Variants in LTC4S observed in about 807,000 individuals in gnomAD.
LTC4S encodes LTC4 synthase.
A neutral mutation model predicts 19.6 loss-of-function variants in LTC4S; 18 were observed. That is an observed-to-expected ratio of 0.92 (90% confidence interval 0.64 to 1.36). The LOEUF (loss-of-function observed/expected upper bound fraction) is 1.36, where lower values mean the gene tolerates loss of function less well. Ranked by LOEUF, LTC4S falls within the 40% of genes most tolerant of loss-of-function variation. LTC4S has a pLI of 0.00. For missense variants in LTC4S, 235 were observed against 212.2 expected (o/e 1.11, Z -0.67); for synonymous variants, 126 against 110.1 (o/e 1.14, Z -0.91).
chr5:179,795,249 G>T, intron 1 of LTC4S: 1 of 587,798 alleles, frequency 1.7e-6, no homozygotes. Flanking sequence ...TTTTGAGAGT[G>T]AAATGATTCA....
rs762495545 is a variant in LTC4S, at chr5:179,794,077, T to C, written c.-4T>C. On this transcript the variant is annotated 5_prime_UTR_variant, in exon 1 of 5. Transcript: ENST00000292596. ...ACAGCCCGTGCCACCACACCGACGG[T>C]ACCATGAAGGACGAGGTAGCTCTAC... is the stretch of plus-strand genomic sequence containing the variant. 1 of 1,613,416 alleles carries C rather than the reference T, an allele frequency of 6.2e-7. No homozygotes were observed. Among genetic ancestry groups the C allele is most frequent in the Non-Finnish European group, 8.5e-7 (1 of 1,179,902 alleles).
At position 179,796,468 on chromosome 5, in the gene LTC4S, G is replaced by C; in HGVS notation, c.*74G>C. ...CCAGCTGCCCCGGGGAGGGGCGCTC[G>C]CTTCCGCATCCTAGTCTCTATCATT... is the stretch of plus-strand genomic sequence containing the variant. On this transcript the variant is annotated 3_prime_UTR_variant, in exon 5 of 5. Transcript: ENST00000292596. 7.1e-7 allele frequency: 1 copy of C among 1,407,640 alleles called. No homozygotes were observed. Among genetic ancestry groups the C allele is most frequent in the Non-Finnish European group, 9.2e-7 (1 of 1,085,470 alleles). The allele number at this position is 1,407,640 out of a possible 1,614,324, so 87.2% of individuals were successfully genotyped here.
intron 2 of LTC4S, 26 bp downstream of exon 2, chr5:179,795,709 G>T: frequency 6.4e-7 from 1 of 1,572,548 alleles, no homozygotes. Context: ...AGGGCGCGGG[G>T]CGGGGAGCGA....
intron 1 of LTC4S, chr5:179,795,321 C>A: frequency 7.5e-7 from 1 of 1,325,408 alleles, no homozygotes; most frequent in Non-Finnish European, 9.7e-7. Context: ...AATCACTCAC[C>A]CTCCCCCATA....
rs1294007743 is a variant in LTC4S at position 179,796,019 on chromosome 5, T to G, written c.308T>G (p.Leu103Arg). The part of the protein sequence containing the change: ...YFQGYARSAQ[L>R]RLAPLYASAR... ...CAGGGCTACGCGCGCTCCGCGCAGC[T>G]CAGGTGAGGGCCGGGCGGGGAGCGG... Residue 103 changes from leucine (L) to arginine (R), a missense_variant, in exon 4 of 5, where the codon CTC (leucine) becomes CGC (arginine). Physicochemically the swap from Leu to Arg is moderately radical, Grantham distance 102. Coordinates refer to ENST00000292596, the MANE Select transcript of LTC4S (RefSeq NM_145867.2). 6.6e-7 allele frequency: 1 copy of G among 1,516,416 alleles called. No individual in the cohort carries two copies. 93.9% of individuals were successfully genotyped at this position (1,516,416 alleles called of 1,614,324 possible). A position where few individuals can be genotyped will look rare whatever the true frequency, so the allele number is the denominator to read the frequency against.
At position 179,796,537 on chromosome 5, in the gene LTC4S, CGG is replaced by C. The variant is rs1157462550; in HGVS notation, c.*147_*148del. The C allele has an allele frequency of 4.1e-6, 5 of 1,228,034 alleles. No individual in the cohort carries two copies. Among genetic ancestry groups the C allele is most frequent in the Non-Finnish European group, 5.2e-6 (5 of 961,874 alleles). The allele number at this position is 1,228,034 out of a possible 1,614,324, so 76.1% of individuals were successfully genotyped here. On this transcript the variant is annotated 3_prime_UTR_variant, in exon 5 of 5. Coordinates refer to ENST00000292596, the MANE Select transcript of LTC4S (RefSeq NM_145867.2). Reference sequence around the variant, plus strand: ...ACCCGGGCTGCGTTCTCTGGGTCCGCGGGGGTGGCGCACCGCGGGCTACGGAG... The same window carrying C: ...ACCCGGGCTGCGTTCTCTGGGTCCGCGGGTGGCGCACCGCGGGCTACGGAG...
Position 179,796,588 on chromosome 5 carries a change from C to A in LTC4S, c.*194C>A. ...AGCCTGGAGGGGCCCAGCCCGAGTC[C>A]GGGCAGCCCGGGGCGGGCTTCCTAG... On this transcript the variant is annotated 3_prime_UTR_variant, in exon 5 of 5. Transcript: ENST00000292596. 1.3e-6 allele frequency: 1 copy of A among 796,080 alleles called. No individual in the cohort carries two copies. Among genetic ancestry groups the A allele is most frequent in the Non-Finnish European group, 1.7e-6 (1 of 574,240 alleles). 49.3% of individuals were successfully genotyped at this position (796,080 alleles called of 1,614,324 possible).
chr5:179,795,861 G>T lies in LTC4S; in HGVS notation c.229+5G>T. 1 of 1,605,630 alleles carries T rather than the reference G, an allele frequency of 6.2e-7. No homozygotes were observed. On this transcript the variant is annotated splice_donor_5th_base_variant and intron_variant, in intron 3 of 4. Transcript: ENST00000292596. ...CCGGCATCTTCTTTCATGAAGGTCG[G>T]GGTGTGGGGCAGGGGCGCACGCGCT...
chr5:179,795,676 C>G lies in LTC4S; in HGVS notation c.151C>G (p.Arg51Gly), dbSNP rs1239457661. Residue 51 changes from arginine (R) to glycine (G), a missense_variant, in exon 2 of 5, where the codon CGA (arginine) becomes GGA (glycine). Coordinates refer to ENST00000292596, the MANE Select transcript of LTC4S (RefSeq NM_145867.2). ...TGPPEFERVY[R>G]AQVNCSEYFP... is the part of the protein sequence containing the mutation. ...CCCACCCGAGTTCGAGCGCGTCTAC[C>G]GAGCCCAGTGAGGCGCGGCGGGAGG... 7 of 1,603,584 alleles carry G rather than the reference C, an allele frequency of 4.4e-6. No individual in the cohort carries two copies. Among genetic ancestry groups the G allele is most frequent in the Non-Finnish European group, 5.9e-6 (7 of 1,176,686 alleles).
intron 1 of LTC4S, among the ~76,000 whole-genome samples, chr5:179,794,871 C>T (rs1756557921): frequency 6.6e-6 from 1 of 152,206 alleles, no homozygotes; most frequent in Non-Finnish European, 1.5e-5. Flanking sequence ...GGCTCCTGCC[C>T]ACAGAGAAAC....
Position 179,795,668 on chromosome 5 carries a change from G to C in LTC4S, c.143G>C (p.Arg48Pro), listed in dbSNP as rs1437584066. The part of the protein sequence containing the change: ...PLTTGPPEFE[R>P]VYRAQVNCSE... ...ACCACCGGCCCACCCGAGTTCGAGC[G>C]CGTCTACCGAGCCCAGTGAGGCGCG... Residue 48 changes from arginine (R) to proline (P), a missense_variant, in exon 2 of 5, where the codon CGC (arginine) becomes CCC (proline). Arg to Pro is a moderately radical substitution (Grantham distance 103). Transcript: ENST00000292596. 1.9e-6 allele frequency: 3 copies of C among 1,606,154 alleles called. No individual in the cohort carries two copies. Among genetic ancestry groups the C allele is most frequent in the Admixed American group, 1.7e-5 (1 of 59,714 alleles).
chr5:179,795,550 C>T, intron 1 of LTC4S, 34 bp from the exon 2 acceptor site: 1 of 1,585,250 alleles, frequency 6.3e-7, no homozygotes, highest in Non-Finnish European at 8.6e-7. Flanking sequence ...CTTCGGGTGT[C>T]CAGACCTGAC....
rs1756570236 is a variant in LTC4S at position 179,795,379 on chromosome 5, T to C, written c.59-205T>C. On this transcript the variant is annotated intron_variant, in intron 1 of 4. Transcript: ENST00000292596. ...CTCTCTGCGCCCCAGGCTTCAGCCCTGCCCTCCTCGCTGAATGTCAGGGAC... is the reference window on the plus strand; with the variant it reads ...CTCTCTGCGCCCCAGGCTTCAGCCCCGCCCTCCTCGCTGAATGTCAGGGAC... 3.5e-6 allele frequency: 5 copies of C among 1,434,306 alleles called. No individual in the cohort carries two copies. In the African/African-American group the frequency reaches 5.8e-5, roughly 17 times the overall value. The allele number at this position is 1,434,306 out of a possible 1,614,324, so 88.8% of individuals were successfully genotyped here. A position where few individuals can be genotyped will look rare whatever the true frequency, so the allele number is the denominator to read the frequency against.
At chr5:179,795,410 G>A (rs1279169169) in intron 1 of LTC4S, 174 bp from the exon 2 acceptor site, 2 of 1,459,584 alleles carry the variant, frequency 1.4e-6, no homozygotes, top group African/African-American at 2.8e-5. Context: ...GGGACACAGG[G>A]CAGGCCAGGG....
chr5:179,796,460 G>T lies in LTC4S; in HGVS notation c.*66G>T. 4.9e-6 allele frequency: 7 copies of T among 1,418,512 alleles called. No individual in the cohort carries two copies. Among genetic ancestry groups the T allele is most frequent in the Non-Finnish European group, 6.4e-6 (7 of 1,091,186 alleles). 87.9% of individuals were successfully genotyped at this position (1,418,512 alleles called of 1,614,324 possible). On this transcript the variant is annotated 3_prime_UTR_variant, in exon 5 of 5. Transcript: ENST00000292596. ...CGGAGCCTCCAGCTGCCCCGGGGAG[G>T]GGCGCTCGCTTCCGCATCCTAGTCT... is the stretch of plus-strand genomic sequence containing the variant.
chr5:179,795,893 C>T, intron 3 of LTC4S, 37 bp downstream of exon 3: 4 of 1,594,882 alleles, frequency 2.5e-6, no homozygotes, highest in Non-Finnish European at 3.4e-6. Flanking sequence ...CGCTGGACCC[C>T]CGGGACCCGC....
In LTC4S at chr5:179,795,834, CG is replaced by C. The variant is rs1374768970; in HGVS notation, c.208del (p.Ala70ProfsTer111). 2 of 1,606,718 alleles carry C rather than the reference CG, an allele frequency of 1.2e-6. No homozygotes were observed. Among genetic ancestry groups the C allele is most frequent in the Non-Finnish European group, 1.7e-6 (2 of 1,178,348 alleles). On this transcript the variant is annotated frameshift_variant, in exon 3 of 5. Coordinates refer to ENST00000292596, the MANE Select transcript of LTC4S (RefSeq NM_145867.2). LOFTEE classifies it high-confidence loss of function. ...FPLFLATLWV[A>X]GIFFHEGAAA... Reference sequence around the variant, plus strand: ...CGCTGTTCCTCGCCACGCTCTGGGTCGCCGGCATCTTCTTTCATGAAGGTCG... The same window carrying C: ...CGCTGTTCCTCGCCACGCTCTGGGTCCCGGCATCTTCTTTCATGAAGGTCG...
chr5:179,796,470 T>C lies in LTC4S; in HGVS notation c.*76T>C, dbSNP rs980856723. The C allele has an allele frequency of 5.9e-4, 834 of 1,404,864 alleles. 5 individuals carry two copies. The highest frequency in any genetic ancestry group is 1.4e-3 in the Admixed American group (44 of 30,638). The allele number at this position is 1,404,864 out of a possible 1,614,324, so 87.0% of individuals were successfully genotyped here. A position where few individuals can be genotyped will look rare whatever the true frequency, so the allele number is the denominator to read the frequency against. ...AGCTGCCCCGGGGAGGGGCGCTCGC[T>C]TCCGCATCCTAGTCTCTATCATTAA... On this transcript the variant is annotated 3_prime_UTR_variant, in exon 5 of 5. Transcript: ENST00000292596.
chr5:179,796,235 G>A lies in LTC4S; in HGVS notation c.312-18G>A, dbSNP rs1273001434. 1 of 1,447,096 alleles carries A rather than the reference G, an allele frequency of 6.9e-7. No individual in the cohort carries two copies. Among genetic ancestry groups the A allele is most frequent in the Non-Finnish European group, 9.1e-7 (1 of 1,102,546 alleles). 89.6% of individuals were successfully genotyped at this position (1,447,096 alleles called of 1,614,324 possible). A position where few individuals can be genotyped will look rare whatever the true frequency, so the allele number is the denominator to read the frequency against. ...GCGGGCCTCCTCGCGCCACCTCCCC[G>A]CTGACCGCCGCCCGCAGGCTGGCAC... On this transcript the variant is annotated intron_variant, in intron 4 of 4. Coordinates refer to ENST00000292596, the MANE Select transcript of LTC4S (RefSeq NM_145867.2).
Sources: gnomAD v4.1 joint callset for allele counts (sites outside exome capture counted in the v4.1 genomes callset) on GRCh38, gnomAD v4.1.1 for gene constraint, MANE v1.5 for transcripts, NCBI Gene and HGNC (gene_info 2026-07-23, HGNC 2026-07-21) for gene names.